Variants in CD96 observed in about 807,000 individuals in gnomAD.
CD96 encodes the protein T-cell surface protein tactile.
Under a neutral mutation model 71.3 loss-of-function variants are expected in CD96, and 70 were observed. That is an observed-to-expected ratio of 0.98 (90% CI 0.81 to 1.20). The LOEUF is 1.20. Among genes scored for constraint, CD96 ranks in the 50% most tolerant of loss-of-function variants. CD96 has a pLI of 0.00. For synonymous variants in CD96, 248 were observed against 233.0 expected (o/e 1.06, Z -0.59); for missense variants, 742 against 677.5 (o/e 1.10, Z -1.06).
At chr3:111,619,353 A>G (rs1163088498) in intron 8 of CD96, among the ~76,000 whole-genome samples, 2 of 152,224 alleles carry the variant, frequency 1.3e-5, no homozygotes, top group African/African-American at 4.8e-5. Flanking sequence ...CCTCATGGCC[A>G]TTTCTGAGCT....
chr3:111,567,751 G>T, intron 3 of CD96, 104 bp downstream of exon 3: 1 of 1,073,514 alleles, frequency 9.3e-7, no homozygotes, highest in Admixed American at 1.7e-5. Flanking sequence ...CAAATAACAG[G>T]CAGGCATTAT....
chr3:111,555,329 ATTTTAT>A (rs1934938399), intron 2 of CD96, among the ~76,000 whole-genome samples: 1 of 152,220 alleles, frequency 6.6e-6, no homozygotes, highest in African/African-American at 2.4e-5. Context: ...TGTGCTCTTT[ATTTTAT>A]CCCATGAATT....
At chr3:111,587,965 A>C (rs1936793965) in intron 5 of CD96, among the ~76,000 whole-genome samples, 1 of 152,178 alleles carries the variant, frequency 6.6e-6, no homozygotes, top group Non-Finnish European at 1.5e-5. Context: ...CCTCTGAAGG[A>C]GGGGCTGCTG....
At chr3:111,554,470 C>A (rs1349096825) in intron 2 of CD96, among the ~76,000 whole-genome samples, 2 of 152,020 alleles carry the variant, frequency 1.3e-5, no homozygotes, top group African/African-American at 4.8e-5. Flanking sequence ...AAGTCAGAAG[C>A]ATTTGTTTGT....
At chr3:111,586,871 A>C (rs1467249912) in intron 5 of CD96, among the ~76,000 whole-genome samples, 1 of 151,962 alleles carries the variant, frequency 6.6e-6, no homozygotes, top group African/African-American at 2.4e-5. Flanking sequence ...CCTCTCCCAA[A>C]TCTCATGTCC....
intron 12 of CD96, among the ~76,000 whole-genome samples, chr3:111,642,458 C>A (rs192341852): frequency 1.4e-4 from 21 of 152,180 alleles, no homozygotes; most frequent in Non-Finnish European, 2.4e-4. Context: ...AAATTAGATA[C>A]CCTAAACAGA....
intron 8 of CD96, among the ~76,000 whole-genome samples, chr3:111,611,583 T>C (rs915162033): frequency 5.9e-5 from 9 of 152,104 alleles, no homozygotes; most frequent in African/African-American, 1.7e-4. Context: ...GGTGCCTCAA[T>C]TGCTGTCCAA....
chr3:111,550,675 CTA>C (rs1934657996), intron 2 of CD96, among the ~76,000 whole-genome samples: 1 of 151,884 alleles, frequency 6.6e-6, no homozygotes, highest in Non-Finnish European at 1.5e-5. Flanking sequence ...GTGCTGTCTT[CTA>C]TTTCTCTAAA....
At chr3:111,617,697 C>T (rs1006572011) in intron 8 of CD96, among the ~76,000 whole-genome samples, 1 of 152,202 alleles carries the variant, frequency 6.6e-6, no homozygotes, top group African/African-American at 2.4e-5. Context: ...ACCTTGCTCA[C>T]CCTCCAGTTG....
intron 7 of CD96, among the ~76,000 whole-genome samples, chr3:111,604,937 G>A (rs1364160310): frequency 6.6e-6 from 1 of 152,130 alleles, no homozygotes; most frequent in Non-Finnish European, 1.5e-5. Flanking sequence ...TTTCACTGTA[G>A]GCCATAGTTT....
At chr3:111,659,246 A>T (rs989281593) in intron 14 of CD96, among the ~76,000 whole-genome samples, 2 of 152,000 alleles carry the variant, frequency 1.3e-5, no homozygotes, top group Admixed American at 6.6e-5. Flanking sequence ...GATTGTTCTT[A>T]TTTGAATCTT....
intron 3 of CD96, among the ~76,000 whole-genome samples, chr3:111,577,024 C>A (rs1329231060): frequency 6.6e-6 from 1 of 152,160 alleles, no homozygotes; most frequent in East Asian, 1.9e-4. Context: ...AGGAACAAAC[C>A]CTTCTTTCTG....
intron 5 of CD96, among the ~76,000 whole-genome samples, chr3:111,589,522 A>G (rs1258928786): frequency 6.6e-6 from 1 of 152,232 alleles, no homozygotes; most frequent in Non-Finnish European, 1.5e-5. Context: ...TGGCTTGTCT[A>G]TGGATCTTTT....
chr3:111,610,456 T>A (rs185809046), intron 8 of CD96, among the ~76,000 whole-genome samples: 14 of 152,352 alleles, frequency 9.2e-5, no homozygotes, highest in Non-Finnish European at 8.8e-5. Context: ...AATCCAGTCA[T>A]CATTACGAAG....
chr3:111,543,617 T>TTAAGTATAGG (rs1410140278), intron 1 of CD96, among the ~76,000 whole-genome samples: 1 of 152,226 alleles, frequency 6.6e-6, no homozygotes, highest in African/African-American at 2.4e-5. Context: ...TAGGTAATAG[T>TTAAGTATAGG]TAACATTAAG....
chr3:111,545,953 C>T (rs1265374890), intron 2 of CD96, among the ~76,000 whole-genome samples: 1 of 151,396 alleles, frequency 6.6e-6, no homozygotes, highest in Non-Finnish European at 1.5e-5. Flanking sequence ...GTATTTCCAA[C>T]AAAAGGATGG....
intron 7 of CD96, among the ~76,000 whole-genome samples, chr3:111,604,268 AC>A (rs1355457336): frequency 2.0e-5 from 3 of 152,158 alleles, no homozygotes; most frequent in Non-Finnish European, 2.9e-5. Context: ...AAATGGACAC[AC>A]CCAGGAACAG....
chr3:111,615,342 G>T (rs1559757979), intron 8 of CD96, among the ~76,000 whole-genome samples: 1 of 152,226 alleles, frequency 6.6e-6, no homozygotes, highest in Non-Finnish European at 1.5e-5. Flanking sequence ...TGAGGAACAT[G>T]AAGGGAGACA....
intron 3 of CD96, among the ~76,000 whole-genome samples, chr3:111,569,800 A>T (rs1302907889): frequency 6.6e-6 from 1 of 152,214 alleles, no homozygotes; most frequent in Non-Finnish European, 1.5e-5. Context: ...TCCAAAGTAT[A>T]AATTCATATT....
Sources: gnomAD v4.1 joint callset for allele counts (sites outside exome capture counted in the v4.1 genomes callset) on GRCh38, gnomAD v4.1.1 for gene constraint, MANE v1.5 for transcripts, NCBI Gene and HGNC (gene_info 2026-07-23, HGNC 2026-07-21) for gene names.